The following C12orf42 variants were observed in gnomAD, a reference collection of about 807,000 sequenced individuals.
C12orf42 encodes the protein uncharacterized protein C12orf42.
Under a neutral mutation model 21.6 loss-of-function variants are expected in C12orf42, and 25 were observed. The observed-to-expected ratio is 1.16, with a 90% CI of 0.84 to 1.62. The LOEUF is 1.62. Ranked by LOEUF, C12orf42 falls within the 40% of genes most tolerant of loss-of-function variation. C12orf42 has a pLI of 0.00. For synonymous variants in C12orf42, 174 were observed against 175.0 expected (o/e 0.99, Z 0.05); for missense variants, 483 against 459.3 (o/e 1.05, Z -0.47).
chr12:103,090,998 T>A, the C12orf42 span, among the ~76,000 whole-genome samples: 1 of 151,268 alleles, frequency 6.6e-6, no homozygotes. Flanking sequence ...AAAAAAAGAA[T>A]ACAAAAAAAC....
At chr12:103,463,647 A>G (rs980991238) in intron 2 of C12orf42, among the ~76,000 whole-genome samples, 3 of 152,168 alleles carry the variant, frequency 2.0e-5, no homozygotes, top group East Asian at 3.9e-4. Context: ...GGTTTGTTAC[A>G]TAGGTAAACA....
intron 3 of C12orf42, among the ~76,000 whole-genome samples, chr12:103,370,979 T>G (rs910648307): frequency 6.6e-6 from 1 of 152,156 alleles, no homozygotes; most frequent in Non-Finnish European, 1.5e-5. Context: ...TTTTATTGTT[T>G]GGATATGATT....
intron 10 of C12orf42, among the ~76,000 whole-genome samples, chr12:103,261,580 G>A (rs1484172429): frequency 6.6e-6 from 1 of 150,784 alleles, no homozygotes; most frequent in Admixed American, 6.6e-5. Context: ...ACTTAACATA[G>A]ATTATTTCCC....
intron 10 of C12orf42, among the ~76,000 whole-genome samples, chr12:103,255,048 A>T (rs1429635639): frequency 6.6e-6 from 1 of 152,158 alleles, no homozygotes; most frequent in African/African-American, 2.4e-5. Context: ...CGTATTGTCA[A>T]GCTTTCTGTT....
intron 4 of C12orf42, among the ~76,000 whole-genome samples, chr12:103,312,091 G>A (rs1173595742): frequency 6.6e-6 from 1 of 152,056 alleles, no homozygotes; most frequent in Non-Finnish European, 1.5e-5. Context: ...TCTCATACCA[G>A]TAACTCCACT....
chr12:103,324,421 G>T (rs1441371425), intron 4 of C12orf42, among the ~76,000 whole-genome samples: 1 of 152,114 alleles, frequency 6.6e-6, no homozygotes, highest in African/African-American at 2.4e-5. Context: ...AGTCCCAAGA[G>T]TTAGACAAAG....
chr12:103,527,725 C>T, the C12orf42 span, among the ~76,000 whole-genome samples: 1 of 152,188 alleles, frequency 6.6e-6, no homozygotes, highest in South Asian at 2.1e-4. Flanking sequence ...GGGGCCAGAA[C>T]CTGAACCACC....
At chr12:103,545,084 A>G in the C12orf42 span, among the ~76,000 whole-genome samples, 1 of 152,186 alleles carries the variant, frequency 6.6e-6, no homozygotes, top group Non-Finnish European at 1.5e-5. Flanking sequence ...GTCTTTAGTA[A>G]TTTGATTACC....
At position 103,249,065 on chromosome 12, in the gene C12orf42, G is replaced by A. The variant is rs12579174; in HGVS notation, c.*1367-11163C>T. Among the ~76,000 whole-genome samples, 1,764 of 152,072 alleles carry A rather than the reference G, an allele frequency of 0.012. 105 individuals carry two copies. The East Asian group carries it at 0.2, about 17-fold the overall frequency. On this transcript the variant is annotated intron_variant and NMD_transcript_variant, in intron 10 of 10. Coordinates refer to the C12orf42 transcript ENST00000547347. ...ACAACATTAAATGTGTTGCCATAGA[G>A]ATGACCACAGAGTGGAGGGAGGAAT...
At chr12:103,521,013 G>A in the C12orf42 span, among the ~76,000 whole-genome samples, 3 of 152,182 alleles carry the variant, frequency 2.0e-5, no homozygotes, top group African/African-American at 4.8e-5. Context: ...CTCCTAGACA[G>A]TAAACACCTT....
At chr12:103,166,076 A>AGAAGGAAGGAAGGAAGGAAG in the C12orf42 span, among the ~76,000 whole-genome samples, 21 of 150,924 alleles carry the variant, frequency 1.4e-4, no homozygotes, top group South Asian at 6.3e-4. Flanking sequence ...AGAGAGAGAG[A>AGAAGGAAGGAAGGAAGGAAG]GAAGGAAGGA....
chr12:103,116,691 A>G, the C12orf42 span, among the ~76,000 whole-genome samples: 2 of 152,200 alleles, frequency 1.3e-5, no homozygotes, highest in Non-Finnish European at 2.9e-5. Context: ...AACAAGACAT[A>G]TGAAAATCTC....
chr12:103,556,376 C>G, the C12orf42 span, among the ~76,000 whole-genome samples: 9 of 152,172 alleles, frequency 5.9e-5, no homozygotes, highest in African/African-American at 1.9e-4. Context: ...ATATCATAGA[C>G]TGAAAATCGG....
chr12:103,275,167 C>G (rs1207920397), intron 5 of C12orf42, among the ~76,000 whole-genome samples: 3 of 152,028 alleles, frequency 2.0e-5, no homozygotes, highest in Non-Finnish European at 4.4e-5. Context: ...AAAGCAGAAC[C>G]TTATTTCTAT....
chr12:103,234,653 T>C (rs940830093), downstream of C12orf42, among the ~76,000 whole-genome samples: 1 of 152,156 alleles, frequency 6.6e-6, no homozygotes, highest in African/African-American at 2.4e-5. Context: ...CCACTTAACT[T>C]GCTTTGTTTT....
chr12:103,555,795 C>T, the C12orf42 span, among the ~76,000 whole-genome samples: 1 of 152,130 alleles, frequency 6.6e-6, no homozygotes, highest in Admixed American at 6.6e-5. Context: ...CATACATCAA[C>T]TCTCACCAGT....
At chr12:103,089,101 CAAAAAAAAA>C in the C12orf42 span, among the ~76,000 whole-genome samples, 2 of 54,848 alleles carry the variant, frequency 3.6e-5, 1 homozygote, top group South Asian at 2.1e-3. Context: ...GACTCCATCT[CAAAAAAAAA>C]AAAAAAAAAA....
At chr12:103,394,778 G>C (rs1040541235) in intron 3 of C12orf42, among the ~76,000 whole-genome samples, 1 of 152,162 alleles carries the variant, frequency 6.6e-6, no homozygotes, top group Non-Finnish European at 1.5e-5. Flanking sequence ...CCAAGGAGAG[G>C]CCTGATAACT....
At chr12:103,201,461 G>T in the C12orf42 span, among the ~76,000 whole-genome samples, 21 of 152,084 alleles carry the variant, frequency 1.4e-4, no homozygotes, top group Admixed American at 2.6e-4. Context: ...ATGGTTCATT[G>T]TTGTTGCATA....
Sources: gnomAD v4.1 joint callset for allele counts (sites outside exome capture counted in the v4.1 genomes callset) on GRCh38, gnomAD v4.1.1 for gene constraint, MANE v1.5 for transcripts, NCBI Gene and HGNC (gene_info 2026-07-23, HGNC 2026-07-21) for gene names.